The following FOCAD variants were observed in gnomAD, a reference collection of about 807,000 sequenced individuals.
FOCAD encodes the protein KIAA1797.
A neutral mutation model predicts 225.6 loss-of-function variants in FOCAD; 198 were observed. That is an observed-to-expected ratio of 0.88 (90% CI 0.78 to 0.99). The LOEUF is 0.99. Among genes scored for constraint, FOCAD ranks in the 50% least tolerant of loss-of-function variants. The pLI, the probability that FOCAD is intolerant of heterozygous loss-of-function variation, is 0.00. For synonymous variants in FOCAD, 897 were observed against 755.0 expected, an observed-to-expected ratio of 1.19 and a Z score of -3.08; for missense variants, 2,713 against 2,123.6, an observed-to-expected ratio of 1.28 and a Z score of -5.46.
chr9:20,687,013 C>T (rs1268321423), intron 1 of FOCAD, among the ~76,000 whole-genome samples: 4 of 150,366 alleles, frequency 2.7e-5, no homozygotes, highest in East Asian at 1.9e-4. Context: ...TTTTTTTTCC[C>T]CCTACTCAGG....
chr9:20,847,747 C>T (rs951664837), intron 15 of FOCAD, among the ~76,000 whole-genome samples: 12 of 151,680 alleles, frequency 7.9e-5, no homozygotes, highest in Non-Finnish European at 1.3e-4. Context: ...CCCTGTAAAA[C>T]GAAATTTAAG....
Position 20,986,631 on chromosome 9 carries a change from T to C in FOCAD, c.4906+166T>C, listed in dbSNP as rs76490186. 8.3e-3 allele frequency among the ~76,000 whole-genome samples: 1,264 copies of C among 152,286 alleles called. 21 individuals carry two copies. Among genetic ancestry groups the C allele is most frequent in the African/African-American group, 0.029 (1,199 of 41,548 alleles). On this transcript the variant is annotated intron_variant, in intron 40 of 43. Coordinates refer to ENST00000338382, the MANE Select transcript of FOCAD (RefSeq NM_001375567.1). ...TAACTTGGATAGAAATTAACAGTTA[T>C]AGCTCACAACATCCACTTTTTGGAA... is the stretch of plus-strand genomic sequence containing the variant.
chr9:20,849,757 C>A (rs1827468085), intron 15 of FOCAD, among the ~76,000 whole-genome samples: 1 of 151,956 alleles, frequency 6.6e-6, no homozygotes, highest in Non-Finnish European at 1.5e-5. Context: ...TCACTATGTA[C>A]TCTTCCCTGA....
chr9:20,984,548 G>A (rs1284049719), intron 39 of FOCAD, among the ~76,000 whole-genome samples: 2 of 152,156 alleles, frequency 1.3e-5, no homozygotes, highest in Non-Finnish European at 2.9e-5. Context: ...AAAATTTAGT[G>A]AGAAAAGTGG....
intron 28 of FOCAD, among the ~76,000 whole-genome samples, chr9:20,943,070 A>G (rs1836828477): frequency 6.6e-6 from 1 of 152,250 alleles, no homozygotes; most frequent in South Asian, 2.1e-4. Context: ...ATATACAAAG[A>G]TAGCCAAAAA....
At position 20,951,030 on chromosome 9, in the gene FOCAD, C is replaced by G; in HGVS notation, c.3983C>G (p.Ser1328Ter). 6 of 1,613,590 alleles carry G rather than the reference C, an allele frequency of 3.7e-6. No individual in the cohort carries two copies. The highest frequency in any genetic ancestry group is 5.1e-6 in the Non-Finnish European group (6 of 1,179,610). ...GTCTCTGGGGTGATTGGTCTCCAGT[C>G]AAATGCAGTCTGGCTTCTTGGACAT... is the stretch of plus-strand genomic sequence containing the variant. ...ISVSGVIGLQ[S>*]NAVWLLGHLH... The change falls in exon 34 of 44, where the codon TCA (serine) becomes TGA (stop). Residue 1328 changes from serine (S) to a stop codon, truncating the protein, a stop_gained. Transcript: ENST00000338382. LOFTEE classifies it high-confidence loss of function.
At chr9:20,688,137 T>G (rs1274702488) in intron 1 of FOCAD, among the ~76,000 whole-genome samples, 1 of 152,214 alleles carries the variant, frequency 6.6e-6, no homozygotes, top group Non-Finnish European at 1.5e-5. Context: ...ATTTTGAGCT[T>G]TAATCTGGAG....
At chr9:20,949,422 C>G (rs966696855) in intron 32 of FOCAD, among the ~76,000 whole-genome samples, 182 bp from the exon 33 acceptor site, 2 of 151,994 alleles carry the variant, frequency 1.3e-5, no homozygotes, top group Non-Finnish European at 2.9e-5. Flanking sequence ...ACCAGGAAAT[C>G]AATGATAGAT....
intron 2 of FOCAD, chr9:20,716,237 AG>A (rs762262819): frequency 2.5e-6 from 1 of 394,238 alleles, no homozygotes; most frequent in South Asian, 2.1e-5. Context: ...GAAGGCTTGG[AG>A]GATACTATTC....
intron 8 of FOCAD, among the ~76,000 whole-genome samples, chr9:20,773,021 T>G (rs1268921538): frequency 6.6e-6 from 1 of 151,734 alleles, no homozygotes; most frequent in Non-Finnish European, 1.5e-5. Flanking sequence ...TACAGAAAGA[T>G]ATTTTATAGA....
At chr9:20,960,260 G>A (rs1318665188) in intron 35 of FOCAD, among the ~76,000 whole-genome samples, 1 of 152,142 alleles carries the variant, frequency 6.6e-6, no homozygotes, top group South Asian at 2.1e-4. Flanking sequence ...AGTTAGGTGG[G>A]TCACTTTTGG....
chr9:20,814,795 C>T (rs747530541), intron 11 of FOCAD, among the ~76,000 whole-genome samples: 2 of 152,086 alleles, frequency 1.3e-5, no homozygotes, highest in Non-Finnish European at 2.9e-5. Flanking sequence ...TCTTTTACTT[C>T]TCCCTCCTTT....
upstream of FOCAD, among the ~76,000 whole-genome samples, chr9:20,683,712 G>A (rs1457923688): frequency 6.6e-6 from 1 of 152,112 alleles, no homozygotes; most frequent in Non-Finnish European, 1.5e-5. Flanking sequence ...GGCGTGGAGA[G>A]CTGCAGTGTT....
At chr9:20,984,386 T>A (rs1268625821) in intron 39 of FOCAD, among the ~76,000 whole-genome samples, 2 of 152,228 alleles carry the variant, frequency 1.3e-5, no homozygotes, top group Non-Finnish European at 1.5e-5. Context: ...TTGTTGAGGA[T>A]GCCAAAGAGC....
At chr9:20,791,521 T>G (rs940391735) in intron 11 of FOCAD, among the ~76,000 whole-genome samples, 2 of 152,228 alleles carry the variant, frequency 1.3e-5, no homozygotes, top group African/African-American at 4.8e-5. Context: ...CTTCTAGTTT[T>G]TATTACCTCT....
At chr9:20,750,239 T>C (rs1165821330) in intron 5 of FOCAD, among the ~76,000 whole-genome samples, 1 of 152,136 alleles carries the variant, frequency 6.6e-6, no homozygotes. Flanking sequence ...GGAAAGTGTG[T>C]ATGTGATAAT....
At chr9:20,866,841 C>T in intron 17 of FOCAD, 88 bp from the exon 18 acceptor site, 1 of 745,358 alleles carries the variant, frequency 1.3e-6, no homozygotes, top group Admixed American at 3.0e-5. Context: ...TTTCTTTCCC[C>T]CTCCAGATTT....
chr9:20,859,071 T>C (rs1587421856), intron 15 of FOCAD, among the ~76,000 whole-genome samples: 1 of 152,252 alleles, frequency 6.6e-6, no homozygotes, highest in East Asian at 1.9e-4. Flanking sequence ...TATGGTCTCT[T>C]TGTCTTAATT....
At chr9:20,800,318 T>C (rs1052510438) in intron 11 of FOCAD, among the ~76,000 whole-genome samples, 1 of 152,088 alleles carries the variant, frequency 6.6e-6, no homozygotes, top group African/African-American at 2.4e-5. Context: ...ATCTGACAAT[T>C]ATGTGTCTTG....
Sources: allele counts gnomAD v4.1 joint callset (sites outside exome capture counted in the v4.1 genomes callset), GRCh38; gene constraint gnomAD v4.1.1; transcripts MANE v1.5; gene names NCBI Gene and HGNC (gene_info 2026-07-23, HGNC 2026-07-21).